Variants in CSMD3 observed in about 807,000 individuals in gnomAD.
CSMD3 encodes the protein CUB and Sushi multiple domains 3, also known as CUB and sushi domain-containing protein 3.
In CSMD3, 177 loss-of-function variants were observed where a neutral mutation model predicts 435.2. The ratio of observed to expected loss-of-function variants is 0.41; its 90% CI spans 0.36 to 0.46. CSMD3 has a LOEUF of 0.46. CSMD3 is among the 20% of genes least tolerant of loss of function. The probability of loss-of-function intolerance (pLI) is 0.34; values close to 1 mark genes in which losing one functional copy is unlikely to be tolerated. For missense variants in CSMD3, 4,265 were observed against 4,504.6 expected, an observed-to-expected ratio of 0.95 and a Z score of 1.52; for synonymous variants, 1,656 against 1,520.5, an observed-to-expected ratio of 1.09 and a Z score of -2.07.
At chr8:113,328,552 G>C (rs868204489) in intron 1 of CSMD3, among the ~76,000 whole-genome samples, 2 of 151,610 alleles carry the variant, frequency 1.3e-5, no homozygotes, top group Non-Finnish European at 2.9e-5. Context: ...GCACTAGAAA[G>C]AATACAGACT....
At chr8:112,933,384 C>T (rs779454382) in intron 9 of CSMD3, among the ~76,000 whole-genome samples, 2 of 151,994 alleles carry the variant, frequency 1.3e-5, no homozygotes, top group Admixed American at 6.6e-5. Context: ...AATTTTACAC[C>T]GAATTGTAAT....
intron 1 of CSMD3, among the ~76,000 whole-genome samples, chr8:113,366,302 C>T (rs539586658): frequency 1.5e-3 from 221 of 152,024 alleles, no homozygotes; most frequent in Middle Eastern, 3.4e-3. Context: ...TTATAGGACA[C>T]AAGGATAAAT....
chr8:112,267,910 T>C (rs1310144020), intron 59 of CSMD3, among the ~76,000 whole-genome samples: 2 of 152,016 alleles, frequency 1.3e-5, no homozygotes, highest in African/African-American at 4.8e-5. Context: ...ATTCATTCAC[T>C]ACCAGCTTGT....
At chr8:112,566,016 C>T (rs1369366884) in intron 24 of CSMD3, among the ~76,000 whole-genome samples, 1 of 148,960 alleles carries the variant, frequency 6.7e-6, no homozygotes, top group Non-Finnish European at 1.5e-5. Context: ...GGAAGAATTG[C>T]ACTAACATTA....
At chr8:112,832,814 T>A (rs775308645) in intron 11 of CSMD3, among the ~76,000 whole-genome samples, 6 of 152,150 alleles carry the variant, frequency 3.9e-5, no homozygotes, top group Non-Finnish European at 5.9e-5. Context: ...GTTGCTAATT[T>A]TGGGTAATTT....
At chr8:112,872,128 C>T (rs139622088) in intron 10 of CSMD3, among the ~76,000 whole-genome samples, 154 of 152,028 alleles carry the variant, frequency 1.0e-3, no homozygotes, top group African/African-American at 3.5e-3. Context: ...TATACAAACA[C>T]AAGTATCTGA....
At chr8:113,227,050 T>C (rs2093036441) in intron 3 of CSMD3, among the ~76,000 whole-genome samples, 1 of 151,558 alleles carries the variant, frequency 6.6e-6, no homozygotes, top group Non-Finnish European at 1.5e-5. Flanking sequence ...CAGATTGGGT[T>C]TTAAAATAAG....
At position 112,645,092 on chromosome 8, in the gene CSMD3, T is replaced by C; in HGVS notation, c.3310+17A>G. 8.5e-7 allele frequency: 1 copy of C among 1,175,332 alleles called. No homozygotes were observed. Among genetic ancestry groups the C allele is most frequent in the Non-Finnish European group, 1.3e-6 (1 of 779,448 alleles). The allele number at this position is 1,175,332 out of a possible 1,614,324, so 72.8% of individuals were successfully genotyped here. A position where few individuals can be genotyped will look rare whatever the true frequency, so the allele number is the denominator to read the frequency against. The stretch of plus-strand genomic sequence containing the variant: ...ATTCAGAAGATAGTCCAATTATTAT[T>C]TCATGAGGCAAATTACCTTTTCCAT... On this transcript the variant is annotated intron_variant, in intron 20 of 70. Transcript: ENST00000297405.
chr8:112,601,579 C>T (rs34817193), intron 22 of CSMD3, among the ~76,000 whole-genome samples: 9,939 of 152,180 alleles, frequency 0.065, 436 homozygotes, highest in East Asian at 0.15. Flanking sequence ...ATAGATATTG[C>T]TTCTGATGAA....
At chr8:112,450,491 T>C (rs530413151) in intron 32 of CSMD3, among the ~76,000 whole-genome samples, 6 of 152,200 alleles carry the variant, frequency 3.9e-5, no homozygotes, top group African/African-American at 9.6e-5. Flanking sequence ...GCACATGTAG[T>C]ATGTAAATTA....
intron 39 of CSMD3, 123 bp downstream of exon 39, chr8:112,352,293 C>A: frequency 6.9e-7 from 1 of 1,440,366 alleles, no homozygotes; most frequent in Non-Finnish European, 9.6e-7. Flanking sequence ...AATTGAGCAC[C>A]CTTTTGACCT....
At chr8:112,354,626 G>A (rs368736430) in intron 38 of CSMD3, among the ~76,000 whole-genome samples, 154 of 152,168 alleles carry the variant, frequency 1.0e-3, no homozygotes, top group African/African-American at 3.6e-3. Context: ...AAAACATGTA[G>A]CAATACATCT....
At chr8:112,917,555 A>C (rs899016218) in intron 10 of CSMD3, among the ~76,000 whole-genome samples, 1 of 151,958 alleles carries the variant, frequency 6.6e-6, no homozygotes, top group Non-Finnish European at 1.5e-5. Context: ...GGAAATCAAA[A>C]GAGTTAACAA....
intron 2 of CSMD3, among the ~76,000 whole-genome samples, chr8:113,303,016 C>T (rs531834217): frequency 1.3e-4 from 11 of 82,420 alleles, no homozygotes; most frequent in Non-Finnish European, 2.3e-4. Context: ...AAAACCCCAT[C>T]ATCTCAGCCC....
intron 13 of CSMD3, among the ~76,000 whole-genome samples, chr8:112,757,158 G>A (rs1374587436): frequency 6.6e-6 from 1 of 152,030 alleles, no homozygotes; most frequent in African/African-American, 2.4e-5. Context: ...TTATCCTAAA[G>A]AATTTGGCAA....
chr8:112,398,181 T>C (rs1411121683), intron 35 of CSMD3, among the ~76,000 whole-genome samples: 1 of 152,190 alleles, frequency 6.6e-6, no homozygotes, highest in African/African-American at 2.4e-5. Context: ...TTCAATGCTC[T>C]GTTCTTCAGT....
chr8:112,819,266 C>T (rs1034355230), intron 12 of CSMD3, among the ~76,000 whole-genome samples: 9 of 151,820 alleles, frequency 5.9e-5, no homozygotes, highest in African/African-American at 2.2e-4. Context: ...TGAGTGGACA[C>T]TTTGAACATG....
At chr8:113,075,033 A>T (rs1588020458) in intron 5 of CSMD3, among the ~76,000 whole-genome samples, 2 of 151,758 alleles carry the variant, frequency 1.3e-5, no homozygotes, top group Non-Finnish European at 1.5e-5. Context: ...CTACATTTTC[A>T]TGGCTAAAAT....
At chr8:113,210,585 C>A (rs1036359255) in intron 3 of CSMD3, among the ~76,000 whole-genome samples, 1 of 151,724 alleles carries the variant, frequency 6.6e-6, no homozygotes, top group Non-Finnish European at 1.5e-5. Context: ...AAAATTGAAT[C>A]TTAGAAAGGC....
Sources: gnomAD v4.1 joint callset for allele counts (sites outside exome capture counted in the v4.1 genomes callset) on GRCh38, gnomAD v4.1.1 for gene constraint, MANE v1.5 for transcripts, NCBI Gene and HGNC (gene_info 2026-07-23, HGNC 2026-07-21) for gene names.